Variants in GARRE1 observed in about 807,000 individuals in gnomAD.
GARRE1 encodes the protein granule associated Rac and RHOG effector 1.
In GARRE1, 49 loss-of-function variants were observed where a neutral mutation model predicts 103.2. The ratio of observed to expected loss-of-function variants is 0.47; its 90% CI spans 0.38 to 0.60. The LOEUF (loss-of-function observed/expected upper bound fraction) is 0.60. GARRE1 is among the 20% of genes least tolerant of loss of function. The pLI is 0.00. For synonymous variants in GARRE1, 505 were observed against 532.8 expected, an observed-to-expected ratio of 0.95 and a Z score of 0.72; for missense variants, 1,199 against 1,370.5, an observed-to-expected ratio of 0.87 and a Z score of 1.98.
chr19:34,343,262 T>C (rs2074195540), intron 10 of GARRE1, among the ~76,000 whole-genome samples: 1 of 152,248 alleles, frequency 6.6e-6, no homozygotes, highest in Admixed American at 6.5e-5. Flanking sequence ...GAGACCAGCC[T>C]GGTCAACATC....
At chr19:34,274,717 A>G (rs997959396) in intron 1 of GARRE1, among the ~76,000 whole-genome samples, 5 of 152,202 alleles carry the variant, frequency 3.3e-5, no homozygotes, top group Admixed American at 2.6e-4. Flanking sequence ...CTTAAGGTCT[A>G]TCAGAGGAGG....
At chr19:34,297,331 T>C (rs1003945603) in intron 1 of GARRE1, among the ~76,000 whole-genome samples, 1 of 152,148 alleles carries the variant, frequency 6.6e-6, no homozygotes, top group African/African-American at 2.4e-5. Flanking sequence ...AATCTGTAGA[T>C]GAATTTGGTG....
Position 34,333,786 on chromosome 19 carries a change from A to C in GARRE1, c.1346A>C (p.Gln449Pro). 6.2e-7 allele frequency: 1 copy of C among 1,601,356 alleles called. No individual in the cohort carries two copies. The highest frequency in any genetic ancestry group is 8.6e-7 in the Non-Finnish European group (1 of 1,169,192). Residue 449 changes from glutamine to proline, a missense_variant, in exon 8 of 14, where the codon CAA becomes CCA. Gln to Pro is a moderately conservative substitution (Grantham distance 76). Coordinates refer to ENST00000299505, the MANE Select transcript of GARRE1 (RefSeq NM_014686.5). ...TTAGAAGGCTCTAGAATCGTGGTTC[A>C]AGTCCCATCCACATGGTAACGTGCC... The part of the protein sequence containing the change: ...ISLEGSRIVV[Q>P]VPSTWCLKED...
intron 1 of GARRE1, among the ~76,000 whole-genome samples, chr19:34,295,282 A>G (rs906031186): frequency 2.6e-5 from 4 of 152,160 alleles, no homozygotes; most frequent in African/African-American, 4.8e-5. Flanking sequence ...AAATGCTACA[A>G]AACTCACTGT....
At chr19:34,296,976 T>C (rs2073951191) in intron 1 of GARRE1, among the ~76,000 whole-genome samples, 1 of 152,098 alleles carries the variant, frequency 6.6e-6, no homozygotes. Flanking sequence ...AGCTTGCCCA[T>C]TTCTGTAGAA....
intron 1 of GARRE1, among the ~76,000 whole-genome samples, chr19:34,271,300 G>A (rs1048201801): frequency 7.0e-6 from 1 of 143,070 alleles, no homozygotes; most frequent in African/African-American, 2.6e-5. Context: ...CCAGGCTAGA[G>A]TGCTGTGGCG....
At position 34,352,933 on chromosome 19, in the gene GARRE1, C is replaced by A. The variant is rs1281379998; in HGVS notation, c.3191C>A (p.Pro1064Gln). Residue 1064 changes from proline to glutamine, a missense_variant, in exon 14 of 14, where the codon CCA becomes CAA. Coordinates refer to ENST00000299505, the MANE Select transcript of GARRE1 (RefSeq NM_014686.5). The part of the protein sequence containing the change: ...KAFPGKGERR[P>Q]AYLPQY Reference sequence around the variant, plus strand: ...TTCCCTGGGAAGGGTGAGCGCAGGCCAGCCTATCTGCCCCAGTACTGACCC... The same window carrying A: ...TTCCCTGGGAAGGGTGAGCGCAGGCAAGCCTATCTGCCCCAGTACTGACCC... 1 of 1,556,572 alleles carries A rather than the reference C, an allele frequency of 6.4e-7. No homozygotes were observed.
Position 34,333,694 on chromosome 19 carries a change from T to TTTTG in GARRE1, c.1264-10_1264-9insTTTG. ...TGTTATTTGTTTTTTTTTTTTTTTT[T>TTTTG]CGATCTTAGGTGGTGGTTGACACAG... On this transcript the variant is annotated splice_polypyrimidine_tract_variant and intron_variant, in intron 7 of 13. Transcript: ENST00000299505. 1 of 1,398,170 alleles carries TTTTG rather than the reference T, an allele frequency of 7.2e-7. No individual in the cohort carries two copies. 86.6% of individuals were successfully genotyped at this position (1,398,170 alleles called of 1,614,324 possible).
chr19:34,330,727 CT>C (rs1213759081), intron 7 of GARRE1, among the ~76,000 whole-genome samples: 12,869 of 102,258 alleles, frequency 0.13, 501 homozygotes, highest in Non-Finnish European at 0.15. Context: ...GACCCTGCCT[CT>C]TTTTTTTTTT....
chr19:34,325,117 A>G (rs934312857), intron 3 of GARRE1, among the ~76,000 whole-genome samples: 11 of 152,140 alleles, frequency 7.2e-5, no homozygotes, highest in Non-Finnish European at 1.0e-4. Flanking sequence ...TGTGACATCC[A>G]AGAACCAACC....
At chr19:34,271,496 C>T (rs972690245) in intron 1 of GARRE1, among the ~76,000 whole-genome samples, 1 of 151,946 alleles carries the variant, frequency 6.6e-6, no homozygotes, top group African/African-American at 2.4e-5. Context: ...CATCCACCCG[C>T]CTCGGCCTTC....
intron 2 of GARRE1, among the ~76,000 whole-genome samples, chr19:34,314,546 G>A (rs752614724): frequency 6.6e-6 from 1 of 152,194 alleles, no homozygotes; most frequent in Non-Finnish European, 1.5e-5. Flanking sequence ...TATGAGCTCA[G>A]AAACTGCCTG....
intron 1 of GARRE1, among the ~76,000 whole-genome samples, chr19:34,293,715 A>AAAACACACACACAC (rs1555781735): frequency 4.0e-5 from 4 of 100,498 alleles, no homozygotes; most frequent in African/African-American, 1.8e-4. Context: ...TAAACATATA[A>AAAACACACACACAC]ACACACACAC....
intron 2 of GARRE1, 58 bp from the exon 3 acceptor site, chr19:34,319,849 T>A (rs146772600): frequency 6.8e-7 from 1 of 1,471,522 alleles, no homozygotes; most frequent in East Asian, 2.3e-5. Context: ...GAAAATTTAC[T>A]GCGCGAATCC....
intron 12 of GARRE1, 114 bp downstream of exon 12, chr19:34,349,267 G>A (rs764945229): frequency 2.9e-6 from 3 of 1,050,854 alleles, no homozygotes; most frequent in Non-Finnish European, 4.2e-6. Context: ...CTGTGTGAGA[G>A]GAGGGGCTCT....
intron 12 of GARRE1, among the ~76,000 whole-genome samples, chr19:34,350,136 T>C (rs2074229548): frequency 1.3e-5 from 2 of 152,158 alleles, no homozygotes; most frequent in Non-Finnish European, 2.9e-5. Flanking sequence ...GGGTAGTAAA[T>C]GCAGAGAACA....
chr19:34,257,355 T>A (rs1442583688), intron 1 of GARRE1, among the ~76,000 whole-genome samples: 1 of 152,154 alleles, frequency 6.6e-6, no homozygotes, highest in African/African-American at 2.4e-5. Flanking sequence ...TCTTTTTTTT[T>A]GAGTCGGAGT....
chr19:34,328,721 C>T (rs2074124339), intron 6 of GARRE1, among the ~76,000 whole-genome samples: 1 of 151,930 alleles, frequency 6.6e-6, no homozygotes, highest in Non-Finnish European at 1.5e-5. Context: ...AATCCTCCTG[C>T]CTCACCCTCC....
At chr19:34,307,633 A>G (rs2074013666) in intron 2 of GARRE1, among the ~76,000 whole-genome samples, 1 of 143,190 alleles carries the variant, frequency 7.0e-6, no homozygotes, top group South Asian at 2.1e-4. Flanking sequence ...ATATATACAT[A>G]TATACTTATA....
Sources: allele counts gnomAD v4.1 joint callset (sites outside exome capture counted in the v4.1 genomes callset), GRCh38; gene constraint gnomAD v4.1.1; transcripts MANE v1.5; gene names NCBI Gene and HGNC (gene_info 2026-07-23, HGNC 2026-07-21).